MARK2: variants seen among roughly 807,000 people sequenced by gnomAD.
The protein encoded by MARK2 is serine/threonine-protein kinase MARK2.
A neutral mutation model predicts 89.8 loss-of-function variants in MARK2; 16 were observed. That is an observed-to-expected ratio of 0.18 (90% CI 0.12 to 0.27). The LOEUF is 0.27. Among genes scored for constraint, MARK2 ranks in the 10% least tolerant of loss-of-function variants. The pLI, the probability that MARK2 is intolerant of heterozygous loss-of-function variation, is 1.00. For missense variants in MARK2, 621 were observed against 1,049.9 expected, an observed-to-expected ratio of 0.59 and a Z score of 5.65; for synonymous variants, 382 against 399.5, an observed-to-expected ratio of 0.96 and a Z score of 0.52.
chr11:63,845,336 G>A (rs2016226791), intron 1 of MARK2, among the ~76,000 whole-genome samples: 1 of 152,160 alleles, frequency 6.6e-6, no homozygotes, highest in African/African-American at 2.4e-5. Context: ...AGAAGGATGT[G>A]GAAAGGGTGG....
intron 1 of MARK2, among the ~76,000 whole-genome samples, chr11:63,851,021 A>G (rs886311542): frequency 3.3e-5 from 5 of 152,170 alleles, no homozygotes; most frequent in African/African-American, 1.2e-4. Context: ...CTTAAAGACC[A>G]CGTGGGAACT....
Position 63,904,609 on chromosome 11 carries a change from C to T in MARK2, c.1677-177C>T, listed in dbSNP as rs1370421016. On this transcript the variant is annotated intron_variant, in intron 15 of 18. Coordinates refer to ENST00000402010, the MANE Select transcript of MARK2 (RefSeq NM_001039469.3). The surrounding 1 kb of genome is among the most constrained non-coding windows in gnomAD (Gnocchi z 6.3). ...CCCAAACCATCTCCTTCCACTTCCA[C>T]GAGACTTCCTTCTCACCACTGTCCT... Among the ~76,000 whole-genome samples the T allele has an allele frequency of 1.3e-5, 2 of 152,120 alleles. No individual in the cohort carries two copies. The highest frequency in any genetic ancestry group is 2.4e-5 in the African/African-American group (1 of 41,404).
At chr11:63,839,842 C>CTCTTCCCTTTT (rs1565088068) in intron 1 of MARK2, among the ~76,000 whole-genome samples, 1 of 152,146 alleles carries the variant, frequency 6.6e-6, no homozygotes, top group African/African-American at 2.4e-5. Flanking sequence ...GCTTCCCTTT[C>CTCTTCCCTTTT]TCTTCCCTTT....
At position 63,870,198 on chromosome 11, in the gene MARK2, C is replaced by T. The variant is rs147007912; in HGVS notation, c.55-24961C>T. ...CTCTGAAATCCTGCCGGAGACTATG[C>T]CCATAGAGGTGCCAGAGGCCCTAGG... On this transcript the variant is annotated intron_variant, in intron 1 of 18. Coordinates refer to ENST00000402010, the MANE Select transcript of MARK2 (RefSeq NM_001039469.3). Among the ~76,000 whole-genome samples the T allele has an allele frequency of 5.3e-3, 801 of 152,258 alleles. 9 individuals carry two copies. Among genetic ancestry groups the T allele is most frequent in the African/African-American group, 0.018 (760 of 41,540 alleles).
At position 63,909,435 on chromosome 11, in the gene MARK2, A is replaced by C; in HGVS notation, c.*198A>C. ...GATTGTTCTCCAGCACCCCACATTC[A>C]CCCCTGCCCAGAGATTCCCCCTTCT... On this transcript the variant is annotated 3_prime_UTR_variant, in exon 19 of 19. Coordinates refer to ENST00000402010, the MANE Select transcript of MARK2 (RefSeq NM_001039469.3). 5.9e-6 allele frequency: 3 copies of C among 510,832 alleles called. No individual in the cohort carries two copies. Among genetic ancestry groups the C allele is most frequent in the South Asian group, 3.1e-5 (1 of 31,872 alleles). The allele number at this position is 510,832 out of a possible 1,614,324, so 31.6% of individuals were successfully genotyped here.
At chr11:63,878,835 G>C (rs965711467) in intron 1 of MARK2, among the ~76,000 whole-genome samples, 1 of 152,040 alleles carries the variant, frequency 6.6e-6, no homozygotes, top group Admixed American at 6.6e-5. Context: ...TACAATTCAC[G>C]TACCCCTTGA....
At chr11:63,841,287 C>G (rs1565089126) in intron 1 of MARK2, among the ~76,000 whole-genome samples, 1 of 152,204 alleles carries the variant, frequency 6.6e-6, no homozygotes, top group Non-Finnish European at 1.5e-5. Context: ...CAGTTAGGAA[C>G]TAAAGAGAAG....
chr11:63,905,138 C>A, intron 16 of MARK2, 95 bp downstream of exon 16: 2 of 1,387,078 alleles, frequency 1.4e-6, no homozygotes, highest in Non-Finnish European at 2.0e-6. Context: ...GTTTGGGACA[C>A]TCTGTACCGG....
chr11:63,855,244 C>T (rs1253872771), intron 1 of MARK2, among the ~76,000 whole-genome samples: 1 of 152,150 alleles, frequency 6.6e-6, no homozygotes, highest in African/African-American at 2.4e-5. Flanking sequence ...CGAGGCCAGG[C>T]ATGGTGGCTC....
chr11:63,863,434 C>CTA (rs1183133823), intron 1 of MARK2, among the ~76,000 whole-genome samples: 6 of 150,476 alleles, frequency 4.0e-5, no homozygotes, highest in Non-Finnish European at 7.4e-5. Context: ...AAGGGGTGAA[C>CTA]TATTGCCCTC....
At chr11:63,867,969 GT>G (rs1271678879) in intron 1 of MARK2, among the ~76,000 whole-genome samples, 3 of 152,208 alleles carry the variant, frequency 2.0e-5, no homozygotes, top group Non-Finnish European at 2.9e-5. Context: ...CTACTAGATT[GT>G]TACCTTCTTT....
At chr11:63,871,257 C>G (rs1285426514) in intron 1 of MARK2, among the ~76,000 whole-genome samples, 1 of 152,242 alleles carries the variant, frequency 6.6e-6, no homozygotes, top group East Asian at 1.9e-4. Context: ...CGCCATGTGC[C>G]ATCTTCTGGA....
chr11:63,869,208 C>G (rs1048106309), intron 1 of MARK2: 2 of 189,716 alleles, frequency 1.1e-5, no homozygotes, highest in Admixed American at 5.7e-5. Flanking sequence ...CCTGCTCCCC[C>G]CTCACCCCAC....
In MARK2 at chr11:63,900,918, G is replaced by T. The variant is rs758718470; in HGVS notation, c.988+39G>T. 28 of 1,611,194 alleles carry T rather than the reference G, an allele frequency of 1.7e-5. No individual in the cohort carries two copies. The highest frequency in any genetic ancestry group is 1.7e-6 in the Non-Finnish European group (2 of 1,177,412). ...GGGCTGTGAGGTTAAGCTTGCCTAG[G>T]AGTTGAGGCCAGTCTTAACTGTATG... On this transcript the variant is annotated intron_variant, in intron 10 of 18. Transcript: ENST00000402010. This position sits in a 1 kb window ranked among gnomAD's most constrained non-coding sequence, Gnocchi z 4.7.
In MARK2 at chr11:63,895,215, C is replaced by A; in HGVS notation, c.111C>A (p.Gly37=). 6.2e-7 allele frequency: 1 copy of A among 1,614,164 alleles called. No homozygotes were observed. Among genetic ancestry groups the A allele is most frequent in the South Asian group, 1.1e-5 (1 of 91,074 alleles). The part of the protein sequence containing the change: ...KPSSKSNMIR[G]RNSATSADEQ... ...GCAGTAAGTCCAACATGATTCGGGG[C>A]CGCAACTCAGCCACCTCTGCTGATG... The change falls in exon 2 of 19, where the codon GGC becomes GGA. Residue 37 remains glycine, a synonymous_variant. Transcript: ENST00000402010.
intron 1 of MARK2, among the ~76,000 whole-genome samples, chr11:63,892,904 A>ATTTTTTTT (rs896527484): frequency 8.7e-6 from 1 of 114,686 alleles, no homozygotes; most frequent in African/African-American, 3.6e-5. Context: ...TGATTTCTTA[A>ATTTTTTTT]TTTTTTTTTT....
intron 1 of MARK2, among the ~76,000 whole-genome samples, chr11:63,871,251 A>G (rs538176700): frequency 2.6e-4 from 40 of 152,296 alleles, no homozygotes; most frequent in African/African-American, 9.4e-4. Context: ...CCCCACCGCC[A>G]TGTGCCATCT....
chr11:63,880,253 GC>G (rs1393133208), intron 1 of MARK2: 2 of 151,828 alleles, frequency 1.3e-5, no homozygotes, highest in Non-Finnish European at 2.9e-5. Flanking sequence ...CTCCCCAGCT[GC>G]CGTTTTTAGT....
At position 63,903,900 on chromosome 11, in the gene MARK2, C is replaced by T. The variant is rs1941103152; in HGVS notation, c.1515-86C>T. ...CCCTGCCAGAGCTCCCCAGCTCTGG[C>T]CCTTCCCCTGCCCTTGCTTCCTAAT... On this transcript the variant is annotated intron_variant, in intron 14 of 18. Coordinates refer to ENST00000402010, the MANE Select transcript of MARK2 (RefSeq NM_001039469.3). The surrounding 1 kb of genome is among the most constrained non-coding windows in gnomAD (Gnocchi z 5.1). 1 of 1,202,114 alleles carries T rather than the reference C, an allele frequency of 8.3e-7. No individual in the cohort carries two copies. Among genetic ancestry groups the T allele is most frequent in the Admixed American group, 2.4e-5 (1 of 41,396 alleles). The allele number at this position is 1,202,114 out of a possible 1,614,324, so 74.5% of individuals were successfully genotyped here. A position where few individuals can be genotyped will look rare whatever the true frequency, so the allele number is the denominator to read the frequency against.
Sources: allele counts gnomAD v4.1 joint callset (sites outside exome capture counted in the v4.1 genomes callset), GRCh38; gene constraint gnomAD v4.1.1; non-coding constraint Gnocchi (gnomAD v3.1); transcripts MANE v1.5; gene names NCBI Gene and HGNC (gene_info 2026-07-23, HGNC 2026-07-21).